The following ELAVL3 variants were observed in gnomAD, a reference collection of about 807,000 sequenced individuals.
The protein encoded by ELAVL3 is ELAV-like protein 3.
ELAVL3 carries 8 observed loss-of-function variants against 34.2 expected under a neutral mutation model. That is an observed-to-expected ratio of 0.23 (90% CI 0.14 to 0.42). ELAVL3 has a LOEUF of 0.42. Ranked by LOEUF, ELAVL3 falls within the 10% of genes least tolerant of loss-of-function variation. ELAVL3 has a pLI of 1.00. For synonymous variants in ELAVL3, 209 were observed against 222.1 expected (o/e 0.94, Z 0.53); for missense variants, 273 against 518.8 (o/e 0.53, Z 4.60).
chr19:11,461,583 G>C (rs1970886978), intron 3 of ELAVL3, among the ~76,000 whole-genome samples: 1 of 140,346 alleles, frequency 7.1e-6, no homozygotes, highest in South Asian at 2.3e-4. Flanking sequence ...TCTTTTTCTT[G>C]TTAAGTGAGG....
At chr19:11,477,123 G>A (rs1475717399) in intron 1 of ELAVL3, among the ~76,000 whole-genome samples, 1 of 151,968 alleles carries the variant, frequency 6.6e-6, no homozygotes, top group Non-Finnish European at 1.5e-5. Context: ...ATTTACTGAG[G>A]GCTACACATG....
At chr19:11,464,868 C>CACACACAT (rs1260614820) in intron 3 of ELAVL3, among the ~76,000 whole-genome samples, 1 of 123,152 alleles carries the variant, frequency 8.1e-6, no homozygotes. Flanking sequence ...ACACACACCA[C>CACACACAT]ACACACATAC....
chr19:11,454,768 C>T lies in ELAVL3; in HGVS notation c.862G>A (p.Val288Met), dbSNP rs1205117141. The change falls in exon 7 of 7, where the codon GTG becomes ATG. Residue 288 changes from valine (V) to methionine (M), a missense_variant. By Grantham distance (21) the Val-to-Met change is conservative. Coordinates refer to ENST00000359227, the MANE Select transcript of ELAVL3 (RefSeq NM_001420.4). This position sits in a 1 kb window ranked among gnomAD's most constrained non-coding sequence, Gnocchi z 9.2. ...GAAGAGWCIF[V>M]YNLSPEADES... ...TCTGCCTCCGGTGACAGGTTGTACA[C>T]GAAGATGCACCAGCCGGCGCCCGCC... is the stretch of plus-strand genomic sequence containing the variant. 3 of 1,613,836 alleles carry T rather than the reference C, an allele frequency of 1.9e-6. No individual in the cohort carries two copies. Among genetic ancestry groups the T allele is most frequent in the African/African-American group, 1.3e-5 (1 of 74,936 alleles).
chr19:11,454,345 C>T lies in ELAVL3; in HGVS notation c.*181G>A. 3.2e-6 allele frequency: 2 copies of T among 628,454 alleles called. No individual in the cohort carries two copies. The highest frequency in any genetic ancestry group is 5.6e-5 in the East Asian group (2 of 35,796). 38.9% of individuals were successfully genotyped at this position (628,454 alleles called of 1,614,324 possible). On this transcript the variant is annotated 3_prime_UTR_variant, in exon 7 of 7. Transcript: ENST00000359227. The surrounding 1 kb of genome is among the most constrained non-coding windows in gnomAD (Gnocchi z 9.2). ...GGATCCCCGGGCACCCCCCCAATTCCCTGCAGACCCTCCCACCCCAGAGTG... is the reference window on the plus strand; with the variant it reads ...GGATCCCCGGGCACCCCCCCAATTCTCTGCAGACCCTCCCACCCCAGAGTG...
chr19:11,470,991 G>A (rs1474733519), intron 1 of ELAVL3, among the ~76,000 whole-genome samples: 2 of 152,134 alleles, frequency 1.3e-5, no homozygotes, highest in African/African-American at 4.8e-5. Flanking sequence ...GACTACAGGT[G>A]GGCGCCACCA....
chr19:11,454,932 G>A lies in ELAVL3; in HGVS notation c.753-55C>T, dbSNP rs369550535. Reference sequence around the variant, plus strand: ...TGACCCCCCGCATGCTTCTGACCCCGTTGTGACCCTTCACACCTTTATGAC... The same window carrying A: ...TGACCCCCCGCATGCTTCTGACCCCATTGTGACCCTTCACACCTTTATGAC... On this transcript the variant is annotated intron_variant, in intron 6 of 6. Coordinates refer to ENST00000359227, the MANE Select transcript of ELAVL3 (RefSeq NM_001420.4). The surrounding 1 kb of genome is among the most constrained non-coding windows in gnomAD (Gnocchi z 9.2). 47 of 1,528,562 alleles carry A rather than the reference G, an allele frequency of 3.1e-5. No homozygotes were observed. The East Asian group carries it at 6.1e-4, about 20-fold the overall frequency. The allele number at this position is 1,528,562 out of a possible 1,614,324, so 94.7% of individuals were successfully genotyped here. A position where few individuals can be genotyped will look rare whatever the true frequency, so the allele number is the denominator to read the frequency against.
chr19:11,462,648 A>G (rs150658032), intron 3 of ELAVL3, among the ~76,000 whole-genome samples: 1 of 149,600 alleles, frequency 6.7e-6, no homozygotes, highest in East Asian at 2.0e-4. Flanking sequence ...AAAAATAAAT[A>G]AATTAATTAA....
At chr19:11,457,175 G>A in intron 5 of ELAVL3, 27 bp from the exon 6 acceptor site, 3 of 1,551,180 alleles carry the variant, frequency 1.9e-6, no homozygotes, top group Non-Finnish European at 2.6e-6. Context: ...GGTGGTCAGA[G>A]GTGGCTTCCA....
rs199635144 is a variant in ELAVL3, at chr19:11,454,742, G to A, written c.888C>T (p.Asp296=). The A allele has an allele frequency of 3.8e-5, 62 of 1,614,112 alleles. No homozygotes were observed. The highest frequency in any genetic ancestry group is 1.6e-4 in the Middle Eastern group (1 of 6,062). Residue 296 remains aspartate (D), a synonymous_variant, in exon 7 of 7, where the codon GAC becomes GAT. Coordinates refer to ENST00000359227, the MANE Select transcript of ELAVL3 (RefSeq NM_001420.4). The surrounding 1 kb of genome is among the most constrained non-coding windows in gnomAD (Gnocchi z 9.2). ...IFVYNLSPEA[D]ESVLWQLFGP... ...CGAACAGCTGCCACAGCACGCTCTC[G>A]TCTGCCTCCGGTGACAGGTTGTACA...
chr19:11,464,123 G>GTCTCTCTCTCTCTCTCTCTCTCTCTC (rs1165917141), intron 3 of ELAVL3, among the ~76,000 whole-genome samples: 15 of 110,956 alleles, frequency 1.4e-4, no homozygotes, highest in African/African-American at 5.6e-4. Flanking sequence ...GTCTCTCTCT[G>GTCTCTCTCTCTCTCTCTCTCTCTCTC]TCTCTCTCTC....
intron 3 of ELAVL3, among the ~76,000 whole-genome samples, chr19:11,461,445 A>G (rs1018196975): frequency 3.1e-4 from 46 of 150,506 alleles, no homozygotes; most frequent in Non-Finnish European, 5.3e-4. Context: ...TGTCTGCTGT[A>G]TCTATTTTTC....
At chr19:11,465,040 CACACACATACACACAT>C (rs201270864) in intron 3 of ELAVL3, among the ~76,000 whole-genome samples, 1 of 124,652 alleles carries the variant, frequency 8.0e-6, no homozygotes, top group Non-Finnish European at 1.7e-5. Flanking sequence ...ACACACACAC[CACACACATACACACAT>C]ACACACATCC....
chr19:11,465,800 C>G (rs1366554022), intron 3 of ELAVL3, among the ~76,000 whole-genome samples: 3 of 151,970 alleles, frequency 2.0e-5, no homozygotes, highest in African/African-American at 7.3e-5. Flanking sequence ...CAATCCCGCC[C>G]TCCCAGACCC....
chr19:11,464,123 GTCTCTCTCTCTCTC>G (rs1165917141), intron 3 of ELAVL3, among the ~76,000 whole-genome samples: 2 of 110,952 alleles, frequency 1.8e-5, no homozygotes, highest in Admixed American at 1.0e-4. Context: ...GTCTCTCTCT[GTCTCTCTCTCTCTC>G]TCTCTCTCTC....
intron 1 of ELAVL3, among the ~76,000 whole-genome samples, chr19:11,468,163 C>G (rs1448447261): frequency 6.6e-6 from 1 of 152,126 alleles, no homozygotes; most frequent in African/African-American, 2.4e-5. Context: ...AAAGGTAATT[C>G]CTATCCCAAA....
chr19:11,458,679 CA>C lies in ELAVL3; in HGVS notation c.334-69del. ...ATTTCACAGATGGAGAGAGTGAGGC[CA>C]TGTCTAAACCATCACGGAGTTAGCA... is the stretch of plus-strand genomic sequence containing the variant. On this transcript the variant is annotated intron_variant, in intron 3 of 6. Coordinates refer to ENST00000359227, the MANE Select transcript of ELAVL3 (RefSeq NM_001420.4). The surrounding 1 kb of genome is among the most constrained non-coding windows in gnomAD (Gnocchi z 7.3). 1 of 1,579,276 alleles carries C rather than the reference CA, an allele frequency of 6.3e-7. No individual in the cohort carries two copies. The highest frequency in any genetic ancestry group is 1.1e-5 in the South Asian group (1 of 88,758).
At chr19:11,462,888 G>T (rs1358323194) in intron 3 of ELAVL3, among the ~76,000 whole-genome samples, 1 of 151,276 alleles carries the variant, frequency 6.6e-6, no homozygotes, top group African/African-American at 2.4e-5. Flanking sequence ...CTTGAACCTG[G>T]GAGGCAGAGG....
chr19:11,471,016 T>G (rs1016257349), intron 1 of ELAVL3, among the ~76,000 whole-genome samples: 3 of 152,110 alleles, frequency 2.0e-5, no homozygotes, highest in Non-Finnish European at 4.4e-5. Context: ...TGGCTAATTT[T>G]TAAAAATTTT....
chr19:11,466,471 T>A lies in ELAVL3; in HGVS notation c.229+137A>T. The A allele has an allele frequency of 2.7e-6, 3 of 1,095,000 alleles. No homozygotes were observed. Among genetic ancestry groups the A allele is most frequent in the Middle Eastern group, 3.1e-4 (1 of 3,206 alleles). 67.8% of individuals were successfully genotyped at this position (1,095,000 alleles called of 1,614,324 possible). A position where few individuals can be genotyped will look rare whatever the true frequency, so the allele number is the denominator to read the frequency against. ...CCTAGGGGGTATACCCATCTCCCCA[T>A]CAGACCTCACATCCCTAGACCACCT... On this transcript the variant is annotated intron_variant, in intron 2 of 6. Transcript: ENST00000359227. This position sits in a 1 kb window ranked among gnomAD's most constrained non-coding sequence, Gnocchi z 5.0.
Sources: gnomAD v4.1 joint callset for allele counts (sites outside exome capture counted in the v4.1 genomes callset) on GRCh38, gnomAD v4.1.1 for gene constraint, Gnocchi (gnomAD v3.1) non-coding constraint, MANE v1.5 for transcripts, NCBI Gene and HGNC (gene_info 2026-07-23, HGNC 2026-07-21) for gene names.